Variants in TFEB observed in about 807,000 individuals in gnomAD.
TFEB encodes transcription factor EB.
TFEB carries 12 observed loss-of-function variants against 48.0 expected under a neutral mutation model. The ratio of observed to expected loss-of-function variants is 0.25; its 90% CI spans 0.16 to 0.40. The LOEUF is 0.40. Among genes scored for constraint, TFEB ranks in the 10% least tolerant of loss-of-function variants. The pLI, the probability that TFEB is intolerant of heterozygous loss-of-function variation, is 1.00. For missense variants in TFEB, 509 were observed against 640.3 expected (o/e 0.79, Z 2.21); for synonymous variants, 244 against 261.4 (o/e 0.93, Z 0.64).
At chr6:41,701,722 A>G (rs574794355) in intron 1 of TFEB, among the ~76,000 whole-genome samples, 1 of 152,162 alleles carries the variant, frequency 6.6e-6, no homozygotes. Flanking sequence ...AGGCAGGTGG[A>G]TCACTTGAGG....
At chr6:41,693,649 C>G (rs974460454) in intron 1 of TFEB, among the ~76,000 whole-genome samples, 6 of 152,106 alleles carry the variant, frequency 3.9e-5, no homozygotes, top group African/African-American at 1.4e-4. Flanking sequence ...CAGGCAGTGG[C>G]CCTCACCCCA....
At chr6:41,689,682 C>A (rs969752866) in intron 4 of TFEB, 49 bp downstream of exon 4, 5 of 1,471,464 alleles carry the variant, frequency 3.4e-6, no homozygotes, top group Admixed American at 3.4e-5. Context: ...CAGTGGGTGC[C>A]CCCCTCCCTA....
In TFEB at chr6:41,690,920, G is replaced by A. The variant is rs781660493; in HGVS notation, c.214-3C>T. The A allele has an allele frequency of 2.5e-6, 4 of 1,581,146 alleles. No homozygotes were observed. In the Admixed American group the frequency reaches 6.8e-5, roughly 27 times the overall value. On this transcript the variant is annotated splice_region_variant and splice_polypyrimidine_tract_variant and intron_variant, in intron 2 of 8. Coordinates refer to ENST00000373033, the MANE Select transcript of TFEB (RefSeq NM_001271944.2). ...GGATTCTCCAGGTAGGACTGCACCT[G>A]GGAGGGGGAAAAGGCAAGGGCTCTA...
At chr6:41,705,104 G>A (rs1212356560) in intron 1 of TFEB, among the ~76,000 whole-genome samples, 2 of 152,192 alleles carry the variant, frequency 1.3e-5, no homozygotes, top group African/African-American at 4.8e-5. Context: ...ACTGCACCAG[G>A]ACTTGCCTGC....
At chr6:41,692,193 TTGTC>T (rs1769353453) in intron 1 of TFEB, among the ~76,000 whole-genome samples, 1 of 152,260 alleles carries the variant, frequency 6.6e-6, no homozygotes, top group Admixed American at 6.5e-5. Flanking sequence ...ATTTCATTCA[TTGTC>T]TGTCTCTTTC....
chr6:41,727,080 A>C (rs1322909542), intron 1 of TFEB, among the ~76,000 whole-genome samples: 1 of 152,108 alleles, frequency 6.6e-6, no homozygotes, highest in Non-Finnish European at 1.5e-5. Flanking sequence ...AGGATGTCCC[A>C]GCCACCACAC....
intron 1 of TFEB, chr6:41,732,554 T>C: frequency 1.0e-6 from 1 of 985,614 alleles, no homozygotes; most frequent in Non-Finnish European, 1.2e-6. Context: ...ACAGTTCATC[T>C]CTACCCACAT....
intron 1 of TFEB, among the ~76,000 whole-genome samples, chr6:41,725,136 A>C (rs927398003): frequency 6.6e-6 from 1 of 152,212 alleles, no homozygotes; most frequent in Admixed American, 6.5e-5. Context: ...GAGGCCATGC[A>C]GCAAGTTTAT....
chr6:41,704,606 G>C (rs1368683409), intron 1 of TFEB, among the ~76,000 whole-genome samples: 1 of 152,226 alleles, frequency 6.6e-6, no homozygotes, highest in African/African-American at 2.4e-5. Flanking sequence ...GCCCTGCCCA[G>C]ACCCACTGAG....
chr6:41,698,295 T>A (rs926380871), intron 1 of TFEB, among the ~76,000 whole-genome samples: 2 of 151,968 alleles, frequency 1.3e-5, no homozygotes, highest in Non-Finnish European at 2.9e-5. Context: ...GGGCTGGGAG[T>A]TTGGCCTCAG....
At chr6:41,687,673 A>T in intron 6 of TFEB, 80 bp downstream of exon 6, 1 of 1,571,440 alleles carries the variant, frequency 6.4e-7, no homozygotes, top group Non-Finnish European at 8.7e-7. Context: ...CCACCAGTGC[A>T]GGTCAGGGAG....
At chr6:41,687,463 C>T (rs1209114124) in intron 6 of TFEB, among the ~76,000 whole-genome samples, 3 of 152,198 alleles carry the variant, frequency 2.0e-5, no homozygotes, top group African/African-American at 7.2e-5. Context: ...AACTCTGATG[C>T]CCCAGGTTCC....
Position 41,723,580 on chromosome 6 carries a change from C to T in TFEB, c.-23+11770G>A, listed in dbSNP as rs535057268. The T allele has an allele frequency of 4.7e-3, 5,863 of 1,245,500 alleles. 16 individuals carry two copies. Among genetic ancestry groups the T allele is most frequent in the Non-Finnish European group, 5.5e-3 (5,361 of 967,454 alleles). The allele number at this position is 1,245,500 out of a possible 1,614,324, so 77.2% of individuals were successfully genotyped here. On this transcript the variant is annotated intron_variant, in intron 1 of 8. Coordinates refer to ENST00000373033, the MANE Select transcript of TFEB (RefSeq NM_001271944.2). The surrounding 1 kb of genome is among the most constrained non-coding windows in gnomAD (Gnocchi z 6.0). ...CTCAGTTTCCTCATTTCCCCGGCGG[C>T]TGCTGTTTCTCACCCAGCCCCCTGC...
chr6:41,713,809 G>C (rs1002378574), intron 1 of TFEB, among the ~76,000 whole-genome samples: 1 of 152,236 alleles, frequency 6.6e-6, no homozygotes, highest in African/African-American at 2.4e-5. Flanking sequence ...CCTCCCTCAC[G>C]CCCAGTCATA....
In TFEB at chr6:41,723,452, C is replaced by T. The variant is rs1000960898; in HGVS notation, c.-23+11898G>A. ...ACACTCACACACATGCACGCGTGTG[C>T]TCTCATACCTTCGAGAGGGCAGCCC... On this transcript the variant is annotated intron_variant, in intron 1 of 8. Transcript: ENST00000373033. The surrounding 1 kb of genome is among the most constrained non-coding windows in gnomAD (Gnocchi z 6.0). The T allele has an allele frequency of 1.6e-6, 2 of 1,281,966 alleles. No homozygotes were observed. The highest frequency in any genetic ancestry group is 4.6e-5 in the Admixed American group (2 of 43,532). 79.4% of individuals were successfully genotyped at this position (1,281,966 alleles called of 1,614,324 possible). A position where few individuals can be genotyped will look rare whatever the true frequency, so the allele number is the denominator to read the frequency against.
At chr6:41,714,224 TGTGTGC>T (rs1250495876) in intron 1 of TFEB, among the ~76,000 whole-genome samples, 2 of 152,140 alleles carry the variant, frequency 1.3e-5, no homozygotes, top group Non-Finnish European at 2.9e-5. Flanking sequence ...CGTGTCTGTG[TGTGTGC>T]GTGTGTGTAT....
intron 1 of TFEB, among the ~76,000 whole-genome samples, chr6:41,695,224 G>A (rs1430424882): frequency 1.3e-5 from 2 of 152,186 alleles, no homozygotes; most frequent in African/African-American, 4.8e-5. Context: ...TAAGTGTGTG[G>A]CAGTCGCTTC....
chr6:41,684,960 C>A lies in TFEB; in HGVS notation c.1070G>T (p.Gly357Val). The change falls in exon 9 of 9, where the codon GGG (glycine) becomes GTG (valine). Residue 357 changes from glycine (G) to valine (V), a missense_variant. By Grantham distance (109) the Gly-to-Val change is moderately radical (BLOSUM62 -3). Coordinates refer to ENST00000373033, the MANE Select transcript of TFEB (RefSeq NM_001271944.2). ...KQELPSEEGP[G>V]EALMLGAEVP... ...CTCAGCCCCCAGCATCAGGGCCTCCCCTGGGCCCTCTTCGCTAGGCAGCTC... is the reference window on the plus strand; with the variant it reads ...CTCAGCCCCCAGCATCAGGGCCTCCACTGGGCCCTCTTCGCTAGGCAGCTC... The A allele has an allele frequency of 6.3e-7, 1 of 1,584,056 alleles. No individual in the cohort carries two copies. Among genetic ancestry groups the A allele is most frequent in the East Asian group, 2.3e-5 (1 of 43,390 alleles).
intron 1 of TFEB, among the ~76,000 whole-genome samples, chr6:41,716,406 G>A (rs947395184): frequency 2.6e-5 from 4 of 151,072 alleles, no homozygotes; most frequent in African/African-American, 9.9e-5. Flanking sequence ...CCCCTGAGGG[G>A]TGGATGTGGG....
Sources: gnomAD v4.1 joint callset for allele counts (sites outside exome capture counted in the v4.1 genomes callset) on GRCh38, gnomAD v4.1.1 for gene constraint, Gnocchi (gnomAD v3.1) non-coding constraint, MANE v1.5 for transcripts, NCBI Gene and HGNC (gene_info 2026-07-23, HGNC 2026-07-21) for gene names.